Variants in BBS9 observed in about 807,000 individuals in gnomAD.
BBS9 encodes the protein protein PTHB1.
A neutral mutation model predicts 117.7 loss-of-function variants in BBS9; 89 were observed. The observed-to-expected ratio is 0.76, with a 90% CI of 0.64 to 0.90. The LOEUF is 0.90. Ranked by LOEUF, BBS9 falls within the 40% of genes least tolerant of loss-of-function variation. The probability of loss-of-function intolerance (pLI) is 0.00; values close to 1 mark genes in which losing one functional copy is unlikely to be tolerated. For synonymous variants in BBS9, 379 were observed against 370.9 expected (o/e 1.02, Z -0.25); for missense variants, 982 against 1,042.2 (o/e 0.94, Z 0.80).
intron 19 of BBS9, among the ~76,000 whole-genome samples, chr7:33,500,161 A>G (rs749295290): frequency 6.6e-6 from 1 of 152,220 alleles, no homozygotes; most frequent in African/African-American, 2.4e-5. Context: ...AAACCAGCCA[A>G]TTTGAATTGA....
Position 33,167,054 on chromosome 7 carries a change from A to G in BBS9, c.329-10424A>G, listed in dbSNP as rs1299546907. 2.6e-5 allele frequency among the ~76,000 whole-genome samples: 4 copies of G among 152,226 alleles called. No homozygotes were observed. In the East Asian group the frequency reaches 7.7e-4, roughly 29 times the overall value. On this transcript the variant is annotated intron_variant, in intron 4 of 22. Transcript: ENST00000242067. Reference sequence around the variant, plus strand: ...TAATTTGGATAATTTTATCTCTTCCATGATGAGTCATAGAATGCAGAGCTT... The same window carrying G: ...TAATTTGGATAATTTTATCTCTTCCGTGATGAGTCATAGAATGCAGAGCTT...
intron 9 of BBS9, among the ~76,000 whole-genome samples, chr7:33,333,764 C>T (rs757880350): frequency 6.6e-6 from 1 of 151,896 alleles, no homozygotes. Context: ...GTGCCTGCCA[C>T]CCACACCTGG....
intron 20 of BBS9, among the ~76,000 whole-genome samples, chr7:33,516,217 G>A (rs554147540): frequency 1.7e-4 from 26 of 152,210 alleles, no homozygotes; most frequent in South Asian, 6.2e-4. Flanking sequence ...TAGGCCGGGC[G>A]CGGTGGCTCA....
chr7:33,617,085 A>T (rs1412327867), intron 21 of BBS9, among the ~76,000 whole-genome samples: 3 of 152,068 alleles, frequency 2.0e-5, no homozygotes, highest in Non-Finnish European at 2.9e-5. Flanking sequence ...TAGTGTATAT[A>T]TAAATATACT....
At chr7:33,270,475 G>T (rs1799606419) in intron 7 of BBS9, among the ~76,000 whole-genome samples, 1 of 152,146 alleles carries the variant, frequency 6.6e-6, no homozygotes, top group Non-Finnish European at 1.5e-5. Context: ...ACAATACAAT[G>T]ATACAAGAGC....
chr7:33,436,884 A>G (rs1371301649), intron 19 of BBS9, among the ~76,000 whole-genome samples: 2 of 152,270 alleles, frequency 1.3e-5, no homozygotes, highest in African/African-American at 4.8e-5. Context: ...GGAATACTGT[A>G]TAAAACACAT....
intron 19 of BBS9, among the ~76,000 whole-genome samples, chr7:33,400,988 C>G (rs73313199): frequency 0.08 from 12,189 of 152,192 alleles, 514 homozygotes; most frequent in South Asian, 0.14. Context: ...AAGATCAATA[C>G]CTATCCAACT....
intron 19 of BBS9, among the ~76,000 whole-genome samples, chr7:33,471,588 G>A (rs538972779): frequency 6.6e-6 from 1 of 152,288 alleles, no homozygotes; most frequent in South Asian, 2.1e-4. Flanking sequence ...AGTGACAGAA[G>A]CAGGACTGAT....
At chr7:33,268,922 C>T (rs1366672385) in intron 7 of BBS9, among the ~76,000 whole-genome samples, 5 of 152,188 alleles carry the variant, frequency 3.3e-5, no homozygotes, top group African/African-American at 1.2e-4. Flanking sequence ...AGAAATATAA[C>T]TGTCATGGGA....
intron 16 of BBS9, among the ~76,000 whole-genome samples, chr7:33,363,988 G>C (rs1403930010): frequency 3.5e-5 from 1 of 28,332 alleles, no homozygotes; most frequent in Non-Finnish European, 7.0e-5. Context: ...TCGCTCTGTC[G>C]CCCAGGCTGG....
At chr7:33,597,695 T>C (rs1292357485) in intron 21 of BBS9, among the ~76,000 whole-genome samples, 1 of 151,902 alleles carries the variant, frequency 6.6e-6, no homozygotes, top group Non-Finnish European at 1.5e-5. Context: ...AAATGTGTTA[T>C]TGAGAAAGCC....
At chr7:33,433,552 T>C (rs1232103482) in intron 19 of BBS9, among the ~76,000 whole-genome samples, 1 of 152,210 alleles carries the variant, frequency 6.6e-6, no homozygotes, top group African/African-American at 2.4e-5. Context: ...GTGCAAGTAA[T>C]GTATTATTCA....
chr7:33,161,838 T>C (rs1035534876), intron 4 of BBS9, among the ~76,000 whole-genome samples: 5 of 152,232 alleles, frequency 3.3e-5, no homozygotes, highest in Non-Finnish European at 4.4e-5. Flanking sequence ...TGGTATCTCA[T>C]TGTGGTTTTG....
chr7:33,463,878 T>G (rs1035067510), intron 19 of BBS9, among the ~76,000 whole-genome samples: 1 of 152,086 alleles, frequency 6.6e-6, no homozygotes, highest in Non-Finnish European at 1.5e-5. Flanking sequence ...ATGTTTTATG[T>G]GGGTATATGA....
chr7:33,434,616 T>C (rs1835030673), intron 19 of BBS9, among the ~76,000 whole-genome samples: 1 of 152,192 alleles, frequency 6.6e-6, no homozygotes, highest in South Asian at 2.1e-4. Flanking sequence ...AGAGCTGCTA[T>C]CTGCTACTTC....
intron 21 of BBS9, among the ~76,000 whole-genome samples, chr7:33,585,223 C>A (rs1272134043): frequency 6.6e-6 from 1 of 152,044 alleles, no homozygotes; most frequent in Non-Finnish European, 1.5e-5. Flanking sequence ...TAAGTTACTT[C>A]TGTGCTAATT....
At chr7:33,473,960 C>T (rs931040256) in intron 19 of BBS9, among the ~76,000 whole-genome samples, 1 of 152,138 alleles carries the variant, frequency 6.6e-6, no homozygotes, top group African/African-American at 2.4e-5. Flanking sequence ...TAAATATATG[C>T]TGGGCTGTAT....
chr7:33,518,819 A>C (rs1488898015), intron 20 of BBS9, among the ~76,000 whole-genome samples: 1 of 152,108 alleles, frequency 6.6e-6, no homozygotes, highest in Admixed American at 6.5e-5. Context: ...CTGCTCCCCT[A>C]CTGTTATCTT....
chr7:33,406,906 A>T (rs1830110683), intron 19 of BBS9, among the ~76,000 whole-genome samples: 2 of 152,048 alleles, frequency 1.3e-5, no homozygotes, highest in Non-Finnish European at 2.9e-5. Context: ...TCTGACAATT[A>T]TGTGTCTTGG....
Sources: gnomAD v4.1 joint callset for allele counts (sites outside exome capture counted in the v4.1 genomes callset) on GRCh38, gnomAD v4.1.1 for gene constraint, MANE v1.5 for transcripts, NCBI Gene and HGNC (gene_info 2026-07-23, HGNC 2026-07-21) for gene names.